POU2AF2: variants seen among roughly 807,000 people sequenced by gnomAD.
POU2AF2 encodes POU domain class 2-associating factor 2.
chr11:111,272,251 C>T, the POU2AF2 span, among the ~76,000 whole-genome samples: 1 of 152,164 alleles, frequency 6.6e-6, no homozygotes, highest in African/African-American at 2.4e-5. Context: ...CACATTCCCC[C>T]AGGACAGTAA....
At chr11:111,257,581 G>A in the POU2AF2 span, among the ~76,000 whole-genome samples, 1 of 151,882 alleles carries the variant, frequency 6.6e-6, no homozygotes, top group Non-Finnish European at 1.5e-5. Context: ...CCACTATGTT[G>A]GCCAGGCTGG....
At chr11:111,270,875 A>G in the POU2AF2 span, among the ~76,000 whole-genome samples, 1 of 152,150 alleles carries the variant, frequency 6.6e-6, no homozygotes, top group African/African-American at 2.4e-5. Flanking sequence ...GGCCTTCTGA[A>G]ATCCCAGCCC....
At chr11:111,255,896 A>G in the POU2AF2 span, 1 of 398,132 alleles carries the variant, frequency 2.5e-6, no homozygotes, top group Non-Finnish European at 4.4e-6. Context: ...AAATGACATC[A>G]CAATGATCAG....
the POU2AF2 span, chr11:111,284,248 C>G: frequency 5.0e-6 from 8 of 1,614,218 alleles, no homozygotes; most frequent in Non-Finnish European, 6.8e-6. Context: ...AGCCCTACTT[C>G]CCCCAGGAGC....
At chr11:111,280,057 A>AAAAAAAAATAT in the POU2AF2 span, among the ~76,000 whole-genome samples, 3 of 76,498 alleles carry the variant, frequency 3.9e-5, no homozygotes, top group African/African-American at 1.5e-4. Flanking sequence ...AAAAAAAAAA[A>AAAAAAAAATAT]ATATATATAT....
the POU2AF2 span, among the ~76,000 whole-genome samples, chr11:111,283,882 G>C: frequency 6.6e-6 from 1 of 152,166 alleles, no homozygotes; most frequent in Non-Finnish European, 1.5e-5. Flanking sequence ...AGGCGACAAT[G>C]TTTTCAAACG....
the POU2AF2 span, among the ~76,000 whole-genome samples, chr11:111,249,416 A>G: frequency 6.6e-6 from 1 of 152,220 alleles, no homozygotes; most frequent in Non-Finnish European, 1.5e-5. Flanking sequence ...ACCAGTTTCC[A>G]TTGCTTTGTT....
At chr11:111,278,199 C>T in the POU2AF2 span, among the ~76,000 whole-genome samples, 1 of 152,166 alleles carries the variant, frequency 6.6e-6, no homozygotes, top group Admixed American at 6.6e-5. Context: ...ATTCTAAGTG[C>T]TCGATGTAAT....
At chr11:111,271,334 A>AG in the POU2AF2 span, among the ~76,000 whole-genome samples, 2 of 152,040 alleles carry the variant, frequency 1.3e-5, no homozygotes, top group Non-Finnish European at 2.9e-5. Flanking sequence ...AAAAAAAAAA[A>AG]GAAAGAGAGT....
chr11:111,284,676 C>A, the POU2AF2 span, among the ~76,000 whole-genome samples: 1 of 152,202 alleles, frequency 6.6e-6, no homozygotes, highest in Admixed American at 6.5e-5. Flanking sequence ...GTTCCCCCAC[C>A]CTGTTAGTGC....
chr11:111,245,959 G>A, the POU2AF2 span: 10 of 395,926 alleles, frequency 2.5e-5, no homozygotes, highest in African/African-American at 2.1e-4. Flanking sequence ...AGGTTAAGGA[G>A]AAATCTCCTA....
the POU2AF2 span, among the ~76,000 whole-genome samples, chr11:111,257,344 T>G: frequency 3.3e-5 from 5 of 151,924 alleles, no homozygotes; most frequent in Admixed American, 3.3e-4. Context: ...CACCTTTAAT[T>G]GCATATTTTA....
At chr11:111,249,054 A>C in the POU2AF2 span, among the ~76,000 whole-genome samples, 1 of 152,246 alleles carries the variant, frequency 6.6e-6, no homozygotes, top group Non-Finnish European at 1.5e-5. Flanking sequence ...AGTGCAAAAA[A>C]ACATCTTTTT....
chr11:111,276,815 T>C, the POU2AF2 span, among the ~76,000 whole-genome samples: 3 of 149,188 alleles, frequency 2.0e-5, no homozygotes, highest in Non-Finnish European at 4.4e-5. Context: ...AAATACAAAG[T>C]CAAAACAAAT....
At chr11:111,280,055 A>ATATATAT in the POU2AF2 span, among the ~76,000 whole-genome samples, 4 of 65,736 alleles carry the variant, frequency 6.1e-5, no homozygotes, top group South Asian at 1.4e-3. Flanking sequence ...AAAAAAAAAA[A>ATATATAT]AAATATATAT....
At chr11:111,281,329 G>A in the POU2AF2 span, 5 of 1,332,888 alleles carry the variant, frequency 3.8e-6, no homozygotes, top group Admixed American at 9.1e-5. Flanking sequence ...CTTATAAGGT[G>A]TATTCCTAAT....
chr11:111,271,435 T>C, the POU2AF2 span, among the ~76,000 whole-genome samples: 2 of 152,166 alleles, frequency 1.3e-5, no homozygotes, highest in East Asian at 1.9e-4. Flanking sequence ...TTTTCTTTTT[T>C]TTCTGAGACA....
At chr11:111,261,307 A>G in the POU2AF2 span, among the ~76,000 whole-genome samples, 11 of 151,648 alleles carry the variant, frequency 7.3e-5, no homozygotes, top group Middle Eastern at 3.4e-3. Flanking sequence ...TTAAGTTCTG[A>G]TTGCTGCTTT....
At chr11:111,268,480 TTA>T in the POU2AF2 span, among the ~76,000 whole-genome samples, 3 of 23,976 alleles carry the variant, frequency 1.3e-4, no homozygotes, top group African/African-American at 1.9e-4. Flanking sequence ...TTTTCTTTTT[TTA>T]TTTTATTTTA....
Sources: gnomAD v4.1 joint callset for allele counts (sites outside exome capture counted in the v4.1 genomes callset) on GRCh38, gnomAD v4.1.1 for gene constraint, MANE v1.5 for transcripts, NCBI Gene and HGNC (gene_info 2026-07-23, HGNC 2026-07-21) for gene names.